MIPOL1: variants seen among roughly 807,000 people sequenced by gnomAD.
MIPOL1 encodes mirror-image polydactyly 1, also known as mirror-image polydactyly gene 1 protein.
MIPOL1 carries 57 observed loss-of-function variants against 60.9 expected under a neutral mutation model. The ratio of observed to expected loss-of-function variants is 0.94; its 90% CI spans 0.76 to 1.17. MIPOL1 has a LOEUF of 1.17. MIPOL1 is among the 50% of genes most tolerant of loss of function. MIPOL1 has a pLI of 0.00. For synonymous variants in MIPOL1, 179 were observed against 168.8 expected, an observed-to-expected ratio of 1.06 and a Z score of -0.47; for missense variants, 551 against 511.6, an observed-to-expected ratio of 1.08 and a Z score of -0.74.
intron 11 of MIPOL1, among the ~76,000 whole-genome samples, chr14:37,497,091 A>G (rs983266605): frequency 6.6e-6 from 1 of 152,114 alleles, no homozygotes; most frequent in African/African-American, 2.4e-5. Flanking sequence ...GGCTAGCCAT[A>G]TGTAGAAAGC....
intron 9 of MIPOL1, among the ~76,000 whole-genome samples, chr14:37,314,340 T>C (rs2087653069): frequency 6.6e-6 from 1 of 152,142 alleles, no homozygotes; most frequent in Non-Finnish European, 1.5e-5. Flanking sequence ...TCAGATTCCT[T>C]TACCAATATA....
Position 37,548,729 on chromosome 14 carries a change from G to A in MIPOL1, c.*1758G>A, listed in dbSNP as rs896267086. The A allele has an allele frequency of 3.3e-5, 5 of 151,918 alleles. No individual in the cohort carries two copies. Among genetic ancestry groups the A allele is most frequent in the African/African-American group, 1.2e-4 (5 of 41,410 alleles). 9.4% of individuals were successfully genotyped at this position (151,918 alleles called of 1,614,324 possible). Reference sequence around the variant, plus strand: ...AATCACAAGTAAATTTGAATTTTCGGTTTAATGTTGAAAGCAGATGAACTT... The same window carrying A: ...AATCACAAGTAAATTTGAATTTTCGATTTAATGTTGAAAGCAGATGAACTT... On this transcript the variant is annotated 3_prime_UTR_variant, in exon 13 of 13. Transcript: ENST00000684589.
intron 11 of MIPOL1, among the ~76,000 whole-genome samples, chr14:37,487,688 C>T (rs891133047): frequency 1.3e-5 from 2 of 152,146 alleles, no homozygotes; most frequent in East Asian, 3.8e-4. Context: ...GTGATATCCC[C>T]TTTATCACTT....
intron 10 of MIPOL1, among the ~76,000 whole-genome samples, chr14:37,409,956 A>G (rs1413103816): frequency 6.6e-6 from 1 of 152,218 alleles, no homozygotes; most frequent in Non-Finnish European, 1.5e-5. Context: ...CAGGCGATCC[A>G]GGAAAAGCAT....
At chr14:37,389,930 G>A (rs2093187807) in intron 10 of MIPOL1, among the ~76,000 whole-genome samples, 1 of 152,032 alleles carries the variant, frequency 6.6e-6, no homozygotes, top group Admixed American at 6.6e-5. Context: ...GCTGGGCACG[G>A]TGGCTCACAC....
At chr14:37,476,885 C>G (rs1594589640) in intron 11 of MIPOL1, among the ~76,000 whole-genome samples, 1 of 123,618 alleles carries the variant, frequency 8.1e-6, no homozygotes, top group Admixed American at 8.1e-5. Flanking sequence ...GTTTTACTTT[C>G]TTGTAATGTC....
intron 11 of MIPOL1, among the ~76,000 whole-genome samples, chr14:37,481,611 A>ACACC (rs1216175293): frequency 4.8e-4 from 69 of 142,502 alleles, no homozygotes; most frequent in East Asian, 1.8e-3. Flanking sequence ...ACACACACAC[A>ACACC]CCGAAACCAC....
chr14:37,226,870 G>A (rs1969836426), intron 1 of MIPOL1, among the ~76,000 whole-genome samples: 1 of 152,192 alleles, frequency 6.6e-6, no homozygotes, highest in Non-Finnish European at 1.5e-5. Context: ...TCTGGGTAGT[G>A]TGAGAAATAC....
chr14:37,339,726 C>T (rs1349710002), intron 9 of MIPOL1, among the ~76,000 whole-genome samples: 1 of 152,158 alleles, frequency 6.6e-6, no homozygotes, highest in Non-Finnish European at 1.5e-5. Context: ...GAATTGAAGT[C>T]AGACAAAGGA....
At chr14:37,335,229 T>C (rs2090017318) in intron 9 of MIPOL1, among the ~76,000 whole-genome samples, 1 of 152,096 alleles carries the variant, frequency 6.6e-6, no homozygotes, top group South Asian at 2.1e-4. Context: ...TCTTGTGGTT[T>C]TTAGTTTTTT....
intron 1 of MIPOL1, among the ~76,000 whole-genome samples, chr14:37,218,410 A>T (rs932871301): frequency 6.6e-6 from 1 of 151,088 alleles, no homozygotes; most frequent in African/African-American, 2.4e-5. Context: ...CTGATCTGGA[A>T]CTCCTGACCT....
chr14:37,427,209 T>C (rs946769480), intron 11 of MIPOL1, among the ~76,000 whole-genome samples: 4 of 152,190 alleles, frequency 2.6e-5, no homozygotes, highest in African/African-American at 9.6e-5. Context: ...ATACAGAGAA[T>C]GGAACATTAT....
intron 9 of MIPOL1, among the ~76,000 whole-genome samples, chr14:37,310,902 C>G (rs1287461605): frequency 6.6e-6 from 1 of 152,104 alleles, no homozygotes; most frequent in South Asian, 2.1e-4. Flanking sequence ...ACTTAAAGAC[C>G]TGTAGAAGTT....
intron 11 of MIPOL1, among the ~76,000 whole-genome samples, chr14:37,487,572 G>A (rs2094969651): frequency 6.6e-6 from 1 of 152,176 alleles, no homozygotes; most frequent in Admixed American, 6.5e-5. Flanking sequence ...TTGGAAAGGT[G>A]TATGTGTGCA....
At chr14:37,414,804 A>G (rs1299950288) in intron 10 of MIPOL1, among the ~76,000 whole-genome samples, 2 of 152,156 alleles carry the variant, frequency 1.3e-5, no homozygotes, top group Non-Finnish European at 2.9e-5. Context: ...GATTAAGCCA[A>G]GTACTAGGAA....
intron 11 of MIPOL1, among the ~76,000 whole-genome samples, chr14:37,482,849 A>G (rs570979473): frequency 7.0e-4 from 107 of 152,316 alleles, no homozygotes; most frequent in African/African-American, 2.5e-3. Flanking sequence ...CAGTGGGAAC[A>G]TAAATTAATT....
chr14:37,366,660 A>G (rs1438271440), intron 9 of MIPOL1, among the ~76,000 whole-genome samples: 2 of 151,902 alleles, frequency 1.3e-5, no homozygotes, highest in Admixed American at 1.3e-4. Flanking sequence ...TGTCTAGTAG[A>G]TCCATTTAGT....
chr14:37,481,684 A>G (rs575786607), intron 11 of MIPOL1, among the ~76,000 whole-genome samples: 13 of 151,868 alleles, frequency 8.6e-5, no homozygotes, highest in Non-Finnish European at 1.5e-4. Context: ...CTGATTTCAA[A>G]TAATACAACA....
intron 12 of MIPOL1, chr14:37,545,835 C>T (rs1391455549): frequency 2.3e-6 from 1 of 431,044 alleles, no homozygotes; most frequent in African/African-American, 2.0e-5. Context: ...TGTTTATTTG[C>T]AGAGGACCCT....
Sources: gnomAD v4.1 joint callset for allele counts (sites outside exome capture counted in the v4.1 genomes callset) on GRCh38, gnomAD v4.1.1 for gene constraint, MANE v1.5 for transcripts, NCBI Gene and HGNC (gene_info 2026-07-23, HGNC 2026-07-21) for gene names.